SORCS2: variants seen among roughly 807,000 people sequenced by gnomAD.
SORCS2 encodes the protein sortilin related VPS10 domain containing receptor 2.
A neutral mutation model predicts 141.6 loss-of-function variants in SORCS2; 100 were observed. The ratio of observed to expected loss-of-function variants is 0.71; its 90% CI spans 0.60 to 0.83. The LOEUF is 0.83. Ranked by LOEUF, SORCS2 falls within the 40% of genes least tolerant of loss-of-function variation. The pLI is 0.00. For missense variants in SORCS2, 1,646 were observed against 1,560.2 expected (o/e 1.05, Z -0.93); for synonymous variants, 789 against 676.9 (o/e 1.17, Z -2.57).
In SORCS2 at chr4:7,531,576, G is replaced by T; in HGVS notation, c.595G>T (p.Gly199Cys). ...TSYTKLTLQP[G>C]VTTVIDNFYI... ...CTACACCAAGCTCACCCTCCAGCCT[G>T]GTGTCACCACCGTCATCGACAATTT... Residue 199 changes from glycine (G) to cysteine (C), a missense_variant, in exon 3 of 27, where the codon GGT (glycine) becomes TGT (cysteine). Gly to Cys is a radical substitution (Grantham distance 159, BLOSUM62 -3). Transcript: ENST00000507866. 6.2e-7 allele frequency: 1 copy of T among 1,613,898 alleles called. No homozygotes were observed. The highest frequency in any genetic ancestry group is 2.2e-5 in the East Asian group (1 of 44,872).
chr4:7,373,470 ATATATATATTTTTTTTTTT>A (rs1261864986), intron 1 of SORCS2, among the ~76,000 whole-genome samples: 3 of 61,098 alleles, frequency 4.9e-5, no homozygotes, highest in Non-Finnish European at 7.7e-5. Flanking sequence ...ATATATATAT[ATATATATATTTTTTTTTTT>A]TTTTTTTTTT....
chr4:7,667,820 C>T (rs1722589791), intron 8 of SORCS2, among the ~76,000 whole-genome samples: 1 of 152,256 alleles, frequency 6.6e-6, no homozygotes, highest in African/African-American at 2.4e-5. Flanking sequence ...TGGGGCCTCT[C>T]TCCACCCTAT....
intron 3 of SORCS2, among the ~76,000 whole-genome samples, chr4:7,623,044 C>A (rs145810965): frequency 6.6e-6 from 1 of 152,040 alleles, no homozygotes; most frequent in Admixed American, 6.5e-5. Context: ...AGATGAAGGA[C>A]AGAAGACGGT....
intron 1 of SORCS2, among the ~76,000 whole-genome samples, chr4:7,211,321 C>T (rs972177992): frequency 1.3e-5 from 2 of 152,032 alleles, no homozygotes; most frequent in South Asian, 2.1e-4. Context: ...GCGTCCACGA[C>T]GGGGGGCAGG....
chr4:7,209,776 C>A (rs894229919), intron 1 of SORCS2, among the ~76,000 whole-genome samples: 1 of 152,108 alleles, frequency 6.6e-6, no homozygotes, highest in African/African-American at 2.4e-5. Context: ...AACCTACCGA[C>A]CAACCATGAG....
At chr4:7,220,042 A>G (rs1221192177) in intron 1 of SORCS2, among the ~76,000 whole-genome samples, 3 of 152,246 alleles carry the variant, frequency 2.0e-5, no homozygotes, top group Non-Finnish European at 4.4e-5. Flanking sequence ...GAGTACATAC[A>G]GTTTAGAACA....
chr4:7,463,121 G>C (rs530825081), intron 2 of SORCS2, among the ~76,000 whole-genome samples: 1 of 152,108 alleles, frequency 6.6e-6, no homozygotes, highest in Non-Finnish European at 1.5e-5. Flanking sequence ...ACTGTCTAGA[G>C]CCTAGGGATA....
At chr4:7,576,880 C>A (rs1178247037) in intron 3 of SORCS2, among the ~76,000 whole-genome samples, 2 of 152,176 alleles carry the variant, frequency 1.3e-5, no homozygotes, top group African/African-American at 2.4e-5. Flanking sequence ...ACCACAGCAA[C>A]TCAGTTCTAT....
At chr4:7,682,454 C>G (rs933828409) in intron 9 of SORCS2, among the ~76,000 whole-genome samples, 9 of 152,190 alleles carry the variant, frequency 5.9e-5, no homozygotes, top group Admixed American at 2.0e-4. Context: ...CACTTGCCAT[C>G]TGATGGTTGG....
At chr4:7,682,626 C>T in intron 9 of SORCS2, 117 bp from the exon 10 acceptor site, 4 of 995,014 alleles carry the variant, frequency 4.0e-6, no homozygotes, top group Non-Finnish European at 5.9e-6. Context: ...GACATTGTGA[C>T]TGTGAAATGA....
chr4:7,623,596 C>A (rs145109385), intron 3 of SORCS2, among the ~76,000 whole-genome samples: 45 of 152,252 alleles, frequency 3.0e-4, no homozygotes, highest in African/African-American at 9.9e-4. Flanking sequence ...CTCCTTCCAC[C>A]TTTTCACATC....
chr4:7,324,180 G>C (rs1477314038), intron 1 of SORCS2, among the ~76,000 whole-genome samples: 1 of 152,226 alleles, frequency 6.6e-6, no homozygotes, highest in South Asian at 2.1e-4. Context: ...AAGCCAGGCT[G>C]CCTCGGCAGC....
chr4:7,279,803 T>C (rs1715750264), intron 1 of SORCS2, among the ~76,000 whole-genome samples: 2 of 152,152 alleles, frequency 1.3e-5, no homozygotes, highest in African/African-American at 4.8e-5. Flanking sequence ...TATTTACAGT[T>C]AACAGGACAA....
At chr4:7,513,986 T>C (rs753486757) in intron 2 of SORCS2, among the ~76,000 whole-genome samples, 23 of 152,164 alleles carry the variant, frequency 1.5e-4, no homozygotes, top group Non-Finnish European at 2.8e-4. Context: ...CCCGTACTTT[T>C]ACTGTCATTT....
intron 1 of SORCS2, among the ~76,000 whole-genome samples, chr4:7,242,864 C>A (rs1577314520): frequency 6.6e-6 from 1 of 152,230 alleles, no homozygotes; most frequent in South Asian, 2.1e-4. Context: ...AGGGATCACA[C>A]CTTACCATTC....
At chr4:7,357,812 C>A (rs370823489) in intron 1 of SORCS2, among the ~76,000 whole-genome samples, 3 of 152,140 alleles carry the variant, frequency 2.0e-5, no homozygotes, top group Non-Finnish European at 4.4e-5. Flanking sequence ...GGGCCTCGGG[C>A]CTTCTCCCCA....
intron 1 of SORCS2, among the ~76,000 whole-genome samples, chr4:7,368,414 A>G (rs1722035508): frequency 6.6e-6 from 1 of 152,312 alleles, no homozygotes; most frequent in Admixed American, 6.5e-5. Context: ...CCAGGTGCAC[A>G]TCTTCCACCT....
At chr4:7,643,919 T>C (rs893466619) in intron 4 of SORCS2, among the ~76,000 whole-genome samples, 3 of 152,170 alleles carry the variant, frequency 2.0e-5, no homozygotes, top group Non-Finnish European at 4.4e-5. Flanking sequence ...AGGGAAAAGA[T>C]TGGGCATCTC....
chr4:7,587,507 G>A (rs1307897487), intron 3 of SORCS2, among the ~76,000 whole-genome samples: 2 of 152,238 alleles, frequency 1.3e-5, no homozygotes, highest in African/African-American at 4.8e-5. Flanking sequence ...TTGGAGATGA[G>A]ACTGACGAAT....
Sources: gnomAD v4.1 joint callset for allele counts (sites outside exome capture counted in the v4.1 genomes callset) on GRCh38, gnomAD v4.1.1 for gene constraint, MANE v1.5 for transcripts, NCBI Gene and HGNC (gene_info 2026-07-23, HGNC 2026-07-21) for gene names.